Variants in MAN1C1 observed in about 807,000 individuals in gnomAD.
MAN1C1 encodes the protein mannosyl-oligosaccharide 1,2-alpha-mannosidase IC.
A neutral mutation model predicts 71.5 loss-of-function variants in MAN1C1; 49 were observed. The ratio of observed to expected loss-of-function variants is 0.69; its 90% CI spans 0.54 to 0.87. The LOEUF is 0.87. Among genes scored for constraint, MAN1C1 ranks in the 40% least tolerant of loss-of-function variants. The probability of loss-of-function intolerance (pLI) is 0.00; values close to 1 mark genes in which losing one functional copy is unlikely to be tolerated. For synonymous variants in MAN1C1, 352 were observed against 343.7 expected, an observed-to-expected ratio of 1.02 and a Z score of -0.27; for missense variants, 743 against 835.0, an observed-to-expected ratio of 0.89 and a Z score of 1.36.
chr1:25,623,197 C>T (rs780656537), intron 1 of MAN1C1, among the ~76,000 whole-genome samples: 6 of 152,188 alleles, frequency 3.9e-5, no homozygotes, highest in Non-Finnish European at 8.8e-5. Flanking sequence ...CATACGCCTC[C>T]TCCTTCCGTA....
At chr1:25,618,538 C>T (rs1041668559) in intron 1 of MAN1C1, among the ~76,000 whole-genome samples, 1 of 152,080 alleles carries the variant, frequency 6.6e-6, no homozygotes, top group South Asian at 2.1e-4. Flanking sequence ...TCCCACCACT[C>T]GGGTCAGTTA....
chr1:25,750,011 G>A (rs1396087201), intron 4 of MAN1C1, among the ~76,000 whole-genome samples: 1 of 152,204 alleles, frequency 6.6e-6, no homozygotes, highest in African/African-American at 2.4e-5. Flanking sequence ...GCACGCTACA[G>A]GAAGGCAGAG....
intron 9 of MAN1C1, 55 bp from the exon 10 acceptor site, chr1:25,780,885 G>C: frequency 6.3e-7 from 1 of 1,580,270 alleles, no homozygotes. Flanking sequence ...CCTGGATCCC[G>C]AAAAGCAGGA....
chr1:25,701,680 G>A (rs1255047305), intron 2 of MAN1C1, among the ~76,000 whole-genome samples: 1 of 152,226 alleles, frequency 6.6e-6, no homozygotes, highest in Non-Finnish European at 1.5e-5. Flanking sequence ...CTGTGTGTGT[G>A]CCATTGATTC....
At chr1:25,710,996 C>T (rs750168112) in intron 2 of MAN1C1, among the ~76,000 whole-genome samples, 2 of 152,136 alleles carry the variant, frequency 1.3e-5, no homozygotes, top group African/African-American at 4.8e-5. Context: ...AACAAACCAC[C>T]CTGAAACTTA....
At chr1:25,729,477 CTTT>C (rs1251495380) in intron 2 of MAN1C1, among the ~76,000 whole-genome samples, 1 of 143,530 alleles carries the variant, frequency 7.0e-6, no homozygotes. Flanking sequence ...TCTTTTTCTT[CTTT>C]TTTTTTTTTT....
intron 1 of MAN1C1, among the ~76,000 whole-genome samples, chr1:25,643,592 A>ATTATTATTAT (rs59572469): frequency 0.085 from 12,062 of 141,592 alleles, 1,169 homozygotes; most frequent in East Asian, 0.22. Context: ...TATATTTATT[A>ATTATTATTAT]TTATTATTAT....
At chr1:25,750,379 C>T (rs1255975286) in intron 4 of MAN1C1, among the ~76,000 whole-genome samples, 1 of 152,122 alleles carries the variant, frequency 6.6e-6, no homozygotes, top group Non-Finnish European at 1.5e-5. Flanking sequence ...AGTTCTGTTC[C>T]CCATTACTCA....
At chr1:25,627,608 T>C (rs1348878105) in intron 1 of MAN1C1, among the ~76,000 whole-genome samples, 1 of 152,210 alleles carries the variant, frequency 6.6e-6, no homozygotes, top group East Asian at 1.9e-4. Flanking sequence ...AGCCTCATAG[T>C]AAGTCAGTCT....
At chr1:25,626,974 G>A (rs148427469) in intron 1 of MAN1C1, among the ~76,000 whole-genome samples, 84 of 152,132 alleles carry the variant, frequency 5.5e-4, no homozygotes, top group Middle Eastern at 3.4e-3. Context: ...CCCAGGTTAT[G>A]AATATTTTTT....
rs573061032 is a variant in MAN1C1, at chr1:25,730,829, T to G, written c.638-15839T>G. On this transcript the variant is annotated intron_variant, in intron 2 of 11. Coordinates refer to ENST00000374332, the MANE Select transcript of MAN1C1 (RefSeq NM_020379.4). This position sits in a 1 kb window ranked among gnomAD's most constrained non-coding sequence, Gnocchi z 4.3. ...CTGCCAGACTCTGTTCATGGAGTCC[T>G]GCACCCTTCACCTGATTCAGGCCAC... is the stretch of plus-strand genomic sequence containing the variant. 5.3e-5 allele frequency among the ~76,000 whole-genome samples: 8 copies of G among 152,346 alleles called. No individual in the cohort carries two copies. In the South Asian group the frequency reaches 1.7e-3, roughly 32 times the overall value.
At chr1:25,650,452 C>G (rs2045676226) in intron 1 of MAN1C1, among the ~76,000 whole-genome samples, 2 of 152,136 alleles carry the variant, frequency 1.3e-5, no homozygotes, top group African/African-American at 4.8e-5. Context: ...GGCCACTGCT[C>G]CAGTCTACTT....
chr1:25,664,917 G>A (rs2045899650), intron 1 of MAN1C1, among the ~76,000 whole-genome samples: 1 of 152,302 alleles, frequency 6.6e-6, no homozygotes, highest in South Asian at 2.1e-4. Flanking sequence ...TATATATACT[G>A]CTCAGTTGAG....
intron 6 of MAN1C1, 68 bp from the exon 7 acceptor site, chr1:25,763,806 T>G: frequency 7.6e-7 from 1 of 1,313,256 alleles, no homozygotes. Context: ...CCTCCCATCC[T>G]CAGCAGGCTG....
At chr1:25,734,407 G>A (rs2046953190) in intron 2 of MAN1C1, among the ~76,000 whole-genome samples, 1 of 152,220 alleles carries the variant, frequency 6.6e-6, no homozygotes, top group East Asian at 1.9e-4. Flanking sequence ...GGGATTACTG[G>A]CATGAGCCAC....
chr1:25,636,480 G>T (rs1453980707), intron 1 of MAN1C1, among the ~76,000 whole-genome samples: 1 of 152,114 alleles, frequency 6.6e-6, no homozygotes, highest in Admixed American at 6.5e-5. Context: ...CTACTTGCAC[G>T]TCTGTTTATA....
chr1:25,749,250 T>A lies in MAN1C1; in HGVS notation c.754-5T>A. 6.2e-7 allele frequency: 1 copy of A among 1,610,564 alleles called. No individual in the cohort carries two copies. Among genetic ancestry groups the A allele is most frequent in the Non-Finnish European group, 8.5e-7 (1 of 1,178,142 alleles). On this transcript the variant is annotated splice_region_variant and splice_polypyrimidine_tract_variant and intron_variant, in intron 3 of 11. Transcript: ENST00000374332. ...ACTGTCCCCCTCCTTCTTTCTGTCC[T>A]GCAGAGCGGAGAAGCATCCTTGTTT... is the stretch of plus-strand genomic sequence containing the variant.
At chr1:25,766,315 G>A (rs2047425907) in intron 7 of MAN1C1, among the ~76,000 whole-genome samples, 1 of 152,030 alleles carries the variant, frequency 6.6e-6, no homozygotes, top group African/African-American at 2.4e-5. Flanking sequence ...TTGGTGCCCG[G>A]GGTCATCTCA....
chr1:25,783,451 G>A (rs944023522), intron 11 of MAN1C1, among the ~76,000 whole-genome samples: 1 of 152,092 alleles, frequency 6.6e-6, no homozygotes, highest in African/African-American at 2.4e-5. Flanking sequence ...AAGTCCTTCT[G>A]ACCCCAAAGC....
Sources: gnomAD v4.1 joint callset for allele counts (sites outside exome capture counted in the v4.1 genomes callset) on GRCh38, gnomAD v4.1.1 for gene constraint, Gnocchi (gnomAD v3.1) non-coding constraint, MANE v1.5 for transcripts, NCBI Gene and HGNC (gene_info 2026-07-23, HGNC 2026-07-21) for gene names.